The following RDX variants were observed in gnomAD, a reference collection of about 807,000 sequenced individuals.
The protein encoded by RDX is radixin.
RDX carries 32 observed loss-of-function variants against 83.7 expected under a neutral mutation model. The ratio of observed to expected loss-of-function variants is 0.38; its 90% CI spans 0.29 to 0.51. The LOEUF (loss-of-function observed/expected upper bound fraction) is 0.51. RDX is among the 20% of genes least tolerant of loss of function. The pLI, the probability that RDX is intolerant of heterozygous loss-of-function variation, is 0.87. For synonymous variants in RDX, 229 were observed against 222.7 expected (o/e 1.03, Z -0.25); for missense variants, 600 against 689.9 (o/e 0.87, Z 1.46).
At chr11:110,183,147 C>T (rs1363932775) in intron 15 of RDX, among the ~76,000 whole-genome samples, 1 of 152,170 alleles carries the variant, frequency 6.6e-6, no homozygotes, top group Non-Finnish European at 1.5e-5. Flanking sequence ...AAAACAGCCA[C>T]TGATGAAGAA....
intron 1 of RDX, among the ~76,000 whole-genome samples, chr11:110,283,300 T>C (rs528613540): frequency 2.0e-5 from 3 of 152,152 alleles, no homozygotes; most frequent in Non-Finnish European, 2.9e-5. Flanking sequence ...ATTACAGGCG[T>C]CTGCCACCAT....
At chr11:110,271,803 A>C (rs1254267532) in intron 3 of RDX, among the ~76,000 whole-genome samples, 1 of 152,078 alleles carries the variant, frequency 6.6e-6, no homozygotes, top group African/African-American at 2.4e-5. Context: ...ATGACACCAA[A>C]TTGTTGTTAG....
chr11:110,181,101 C>T (rs761208928), intron 15 of RDX, among the ~76,000 whole-genome samples: 8 of 151,766 alleles, frequency 5.3e-5, no homozygotes, highest in Non-Finnish European at 1.0e-4. Context: ...TGGATTAGAG[C>T]AGCTCAGGTG....
At chr11:110,209,212 A>G (rs1863722518) in intron 14 of RDX, among the ~76,000 whole-genome samples, 1 of 152,182 alleles carries the variant, frequency 6.6e-6, no homozygotes, top group Admixed American at 6.5e-5. Context: ...TTTCTGAGTC[A>G]AAGAAAGGGG....
chr11:110,207,387 G>A (rs1182638355), intron 14 of RDX, among the ~76,000 whole-genome samples: 1 of 152,168 alleles, frequency 6.6e-6, no homozygotes, highest in East Asian at 1.9e-4. Flanking sequence ...GCACGCTAGT[G>A]TGAGAACCAC....
chr11:110,240,481 C>T (rs113686024), intron 10 of RDX, among the ~76,000 whole-genome samples: 2,302 of 151,934 alleles, frequency 0.015, 56 homozygotes, highest in African/African-American at 0.053. Flanking sequence ...CGGTGGCTCA[C>T]GCCTGTAATC....
intron 15 of RDX, among the ~76,000 whole-genome samples, chr11:110,192,330 G>C (rs143811195): frequency 0.017 from 2,536 of 152,282 alleles, 87 homozygotes; most frequent in African/African-American, 0.056. Flanking sequence ...AACTGGCTAT[G>C]CATATGCAAA....
At chr11:110,233,096 G>T in intron 13 of RDX, 141 bp downstream of exon 13, 1 of 973,454 alleles carries the variant, frequency 1.0e-6, no homozygotes, top group South Asian at 1.4e-5. Context: ...GAAATAACAT[G>T]ACTATAGGCC....
At chr11:110,223,489 C>T (rs1183572921) in intron 14 of RDX, among the ~76,000 whole-genome samples, 1 of 152,086 alleles carries the variant, frequency 6.6e-6, no homozygotes, top group African/African-American at 2.4e-5. Context: ...AATCGCACCA[C>T]TGCACTCCAG....
chr11:110,186,514 C>T (rs989011038), intron 15 of RDX, among the ~76,000 whole-genome samples: 1 of 151,762 alleles, frequency 6.6e-6, no homozygotes, highest in Non-Finnish European at 1.5e-5. Context: ...GCATAAAGAT[C>T]AATTCTGTGA....
chr11:110,236,262 T>A, intron 11 of RDX, 71 bp from the exon 12 acceptor site: 1 of 1,119,584 alleles, frequency 8.9e-7, no homozygotes, highest in Non-Finnish European at 1.3e-6. Flanking sequence ...AACAAAGTTT[T>A]AATGCACATG....
chr11:110,185,851 A>C (rs972566957), intron 15 of RDX, among the ~76,000 whole-genome samples: 1 of 152,188 alleles, frequency 6.6e-6, no homozygotes, highest in African/African-American at 2.4e-5. Context: ...CAGACAGCTC[A>C]TTCCCCAAAG....
At chr11:110,291,251 G>A (rs116331745) in intron 1 of RDX, among the ~76,000 whole-genome samples, 1,552 of 152,218 alleles carry the variant, frequency 0.01, 33 homozygotes, top group African/African-American at 0.034. Context: ...CCTGAGCCCC[G>A]GAGTTCAAAG....
At chr11:110,232,708 C>T (rs555549423) in intron 13 of RDX, among the ~76,000 whole-genome samples, 26 of 152,182 alleles carry the variant, frequency 1.7e-4, no homozygotes, top group African/African-American at 4.8e-4. Context: ...GCAACCTCCA[C>T]CTCCCAGGTT....
At chr11:110,187,139 T>A (rs1415660519) in intron 15 of RDX, among the ~76,000 whole-genome samples, 1 of 152,174 alleles carries the variant, frequency 6.6e-6, no homozygotes. Context: ...GCCTTAGAGA[T>A]CGTGGCACAG....
rs60766252 is a variant in RDX, at chr11:110,221,601, AACACACACAC to A, written c.1748+10262_1748+10271del. Among the ~76,000 whole-genome samples, 588 of 133,590 alleles carry A rather than the reference AACACACACAC, an allele frequency of 4.4e-3. 4 individuals are homozygous for A. Among genetic ancestry groups the A allele is most frequent in the African/African-American group, 0.015 (525 of 34,806 alleles). 87.6% of individuals were successfully genotyped at this position (133,590 alleles called of 152,430 possible). A position where few individuals can be genotyped will look rare whatever the true frequency, so the allele number is the denominator to read the frequency against. The stretch of plus-strand genomic sequence containing the variant: ...CAACAGAGCAAGACCCTGTCTCCAA[AACACACACAC>A]ACACACACACACACACACACACACA... On this transcript the variant is annotated intron_variant, in intron 14 of 15. Transcript: ENST00000528498.
intron 9 of RDX, among the ~76,000 whole-genome samples, chr11:110,253,501 TA>T (rs1009976367): frequency 6.6e-6 from 1 of 152,164 alleles, no homozygotes; most frequent in Non-Finnish European, 1.5e-5. Context: ...GAAACAGAGT[TA>T]AAAAGATTAG....
At chr11:110,254,373 T>C (rs2134355418) in intron 8 of RDX, among the ~76,000 whole-genome samples, 1 of 152,354 alleles carries the variant, frequency 6.6e-6, no homozygotes, top group African/African-American at 2.4e-5. Flanking sequence ...TTATTCCTTT[T>C]TGTTCTCGAA....
At chr11:110,225,599 G>T (rs550301525), downstream of RDX, among the ~76,000 whole-genome samples, 1 of 152,070 alleles carries the variant, frequency 6.6e-6, no homozygotes, top group Non-Finnish European at 1.5e-5. Context: ...GGCTATCATC[G>T]AAATCAAGCA....
Sources: gnomAD v4.1 joint callset for allele counts (sites outside exome capture counted in the v4.1 genomes callset) on GRCh38, gnomAD v4.1.1 for gene constraint, MANE v1.5 for transcripts, NCBI Gene and HGNC (gene_info 2026-07-23, HGNC 2026-07-21) for gene names.